Variants in EPB42 observed in about 807,000 individuals in gnomAD.
The protein encoded by EPB42 is erythrocyte membrane protein band 4.2, also known as protein 4.2.
Under a neutral mutation model 76.9 loss-of-function variants are expected in EPB42, and 49 were observed. The observed-to-expected ratio is 0.64, with a 90% confidence interval of 0.51 to 0.81. The LOEUF is 0.81. Among genes scored for constraint, EPB42 ranks in the 30% least tolerant of loss-of-function variants. EPB42 has a pLI of 0.00. For synonymous variants in EPB42, 310 were observed against 338.4 expected (o/e 0.92, Z 0.92); for missense variants, 731 against 867.6 (o/e 0.84, Z 1.98).
At chr15:43,208,481 T>A in intron 7 of EPB42, 148 bp from the exon 8 acceptor site, 1 of 1,411,742 alleles carries the variant, frequency 7.1e-7, no homozygotes, top group Admixed American at 1.7e-5. Flanking sequence ...GGAAGGGGCG[T>A]GCACACCATC....
At chr15:43,221,594 T>G (rs1566821988), upstream of EPB42, among the ~76,000 whole-genome samples, 1 of 152,106 alleles carries the variant, frequency 6.6e-6, no homozygotes, top group Admixed American at 6.6e-5. Flanking sequence ...TATTTGGCCC[T>G]ACCTGGGCTT....
At chr15:43,217,934 G>A (rs1381491659) in intron 1 of EPB42, among the ~76,000 whole-genome samples, 2 of 152,160 alleles carry the variant, frequency 1.3e-5, no homozygotes, top group Admixed American at 6.5e-5. Context: ...TCTATTTAGG[G>A]CAAAAGAACT....
chr15:43,208,447 G>A (rs2042240079), intron 7 of EPB42, 114 bp from the exon 8 acceptor site: 3 of 1,399,928 alleles, frequency 2.1e-6, no homozygotes, highest in Admixed American at 1.7e-5. Context: ...AGGTCACTGT[G>A]TCAAAGTGGC....
intron 5 of EPB42, 87 bp downstream of exon 5, chr15:43,210,248 T>C: frequency 1.7e-6 from 2 of 1,197,280 alleles, no homozygotes; most frequent in Non-Finnish European, 2.5e-6. Flanking sequence ...GATTTGGGGG[T>C]TTCTGAGGCC....
At chr15:43,222,422 T>C (rs1410663882), upstream of EPB42, among the ~76,000 whole-genome samples, 1 of 152,158 alleles carries the variant, frequency 6.6e-6, no homozygotes, top group Non-Finnish European at 1.5e-5. Context: ...AGTAAAACAC[T>C]TGGAAACGGT....
Position 43,197,365 on chromosome 15 carries a change from GT to G in EPB42, c.2012del (p.Asn671ThrfsTer6). 6.2e-7 allele frequency: 1 copy of G among 1,614,188 alleles called. No individual in the cohort carries two copies. The highest frequency in any genetic ancestry group is 2.2e-5 in the East Asian group (1 of 44,888). The part of the protein sequence containing the change: ...LQRLTVEVDC[N>X]MFQNLTNYKS... The stretch of plus-strand genomic sequence containing the variant: ...TATAGTTGGTTAGGTTCTGGAACAT[GT>G]TGCAGTCCACTTCCACAGTGAGTCT... On this transcript the variant is annotated frameshift_variant, in exon 13 of 13. Coordinates refer to ENST00000441366, the MANE Select transcript of EPB42 (RefSeq NM_001114134.2). LOFTEE classifies it high-confidence loss of function.
At chr15:43,200,654 C>T (rs1349807944) in intron 12 of EPB42, among the ~76,000 whole-genome samples, 2 of 152,040 alleles carry the variant, frequency 1.3e-5, no homozygotes, top group East Asian at 3.9e-4. Flanking sequence ...TGGGTATTGC[C>T]AGGAATGAAG....
rs978479013 is a variant in EPB42, at chr15:43,216,307, G to A, written c.157C>T (p.Leu53=). ...LYFRAPVRAF[L]PALKKVALTA... ...AGGGCCACCTTCTTCAGGGCAGGCA[G>A]AAATGCACGGACTGGAGCGCGGAAG... The change falls in exon 2 of 13, where the codon CTG becomes TTG. Residue 53 remains leucine (L), a synonymous_variant. Coordinates refer to ENST00000441366, the MANE Select transcript of EPB42 (RefSeq NM_001114134.2). 1 of 1,614,192 alleles carries A rather than the reference G, an allele frequency of 6.2e-7. No homozygotes were observed. The highest frequency in any genetic ancestry group is 8.5e-7 in the Non-Finnish European group (1 of 1,180,046).
chr15:43,200,883 C>T (rs1381644375), intron 12 of EPB42, among the ~76,000 whole-genome samples: 3 of 150,534 alleles, frequency 2.0e-5, no homozygotes, highest in Non-Finnish European at 2.9e-5. Context: ...GGCGTGATCT[C>T]GGCTCACTGC....
intron 11 of EPB42, 140 bp downstream of exon 11, chr15:43,202,975 A>G: frequency 9.4e-7 from 1 of 1,068,766 alleles, no homozygotes; most frequent in Non-Finnish European, 1.4e-6. Flanking sequence ...TATGTCTTTC[A>G]AGGGAAGGAG....
chr15:43,198,280 G>A (rs752667916), intron 12 of EPB42, among the ~76,000 whole-genome samples: 2 of 152,170 alleles, frequency 1.3e-5, no homozygotes, highest in Admixed American at 6.5e-5. Context: ...GAGACTTGTC[G>A]CATAGCTTTG....
chr15:43,225,045 A>T (rs2042495266), upstream of EPB42, among the ~76,000 whole-genome samples: 1 of 152,276 alleles, frequency 6.6e-6, no homozygotes, highest in East Asian at 1.9e-4. Context: ...AAGTGTTGGG[A>T]TCACAGGCAT....
upstream of EPB42, chr15:43,221,205 G>A: frequency 3.0e-6 from 1 of 332,056 alleles, no homozygotes; most frequent in Non-Finnish European, 5.9e-6. Flanking sequence ...GTGGTCTCAA[G>A]AGACTCTCAG....
chr15:43,201,031 G>T (rs1163792445), intron 12 of EPB42, among the ~76,000 whole-genome samples: 1 of 152,074 alleles, frequency 6.6e-6, no homozygotes, highest in East Asian at 1.9e-4. Context: ...AGCCAGGATG[G>T]TCTCGATCCT....
chr15:43,202,471 A>G (rs1459579710), intron 11 of EPB42, among the ~76,000 whole-genome samples: 2 of 152,160 alleles, frequency 1.3e-5, no homozygotes, highest in Non-Finnish European at 2.9e-5. Flanking sequence ...CATAGATGTC[A>G]TCTCTTTCAT....
At position 43,203,094 on chromosome 15, in the gene EPB42, CAG is replaced by C. The variant is rs767976512; in HGVS notation, c.1779+19_1779+20del. On this transcript the variant is annotated intron_variant, in intron 11 of 12. Transcript: ENST00000441366. Reference sequence around the variant, plus strand: ...TGAGTGGTGGCAGACGAGGGCAACTCAGGGGAGGACTGGTGCCTACCTTGATG... The same window carrying C: ...TGAGTGGTGGCAGACGAGGGCAACTCGGGAGGACTGGTGCCTACCTTGATG... 1.7e-5 allele frequency: 28 copies of C among 1,613,774 alleles called. No homozygotes were observed. Among genetic ancestry groups the C allele is most frequent in the Non-Finnish European group, 2.4e-5 (28 of 1,179,966 alleles).
upstream of EPB42, among the ~76,000 whole-genome samples, chr15:43,224,966 G>A (rs1177242457): frequency 6.6e-6 from 1 of 152,204 alleles, no homozygotes; most frequent in Non-Finnish European, 1.5e-5. Flanking sequence ...TAGAGATGGG[G>A]TCCCACTATG....
At chr15:43,201,777 C>A (rs2042129454) in intron 12 of EPB42, 67 bp downstream of exon 12, 9 of 1,609,670 alleles carry the variant, frequency 5.6e-6, no homozygotes, top group Non-Finnish European at 7.7e-6. Context: ...GAGAGTTTCT[C>A]TCTTGGGCCC....
chr15:43,216,992 C>A (rs542279990), intron 1 of EPB42, among the ~76,000 whole-genome samples: 2 of 152,294 alleles, frequency 1.3e-5, no homozygotes, highest in South Asian at 4.1e-4. Context: ...TAAAGTCTTA[C>A]TATAAACTCA....
Sources: gnomAD v4.1 joint callset for allele counts (sites outside exome capture counted in the v4.1 genomes callset) on GRCh38, gnomAD v4.1.1 for gene constraint, MANE v1.5 for transcripts, NCBI Gene and HGNC (gene_info 2026-07-23, HGNC 2026-07-21) for gene names.